KLRG1: variants seen among roughly 807,000 people sequenced by gnomAD.
KLRG1 encodes killer cell lectin-like receptor subfamily G member 1.
A neutral mutation model predicts 21.8 loss-of-function variants in KLRG1; 16 were observed. The ratio of observed to expected loss-of-function variants is 0.73; its 90% CI spans 0.50 to 1.11. The LOEUF (loss-of-function observed/expected upper bound fraction) is 1.11. Among genes scored for constraint, KLRG1 ranks in the 50% most tolerant of loss-of-function variants. The probability of loss-of-function intolerance (pLI) is 0.00; values close to 1 mark genes in which losing one functional copy is unlikely to be tolerated. For synonymous variants in KLRG1, 69 were observed against 75.9 expected (o/e 0.91, Z 0.47); for missense variants, 173 against 218.3 (o/e 0.79, Z 1.31).
chr12:9,090,103 A>G, the KLRG1 span: 19 of 1,540,436 alleles, frequency 1.2e-5, no homozygotes, highest in Admixed American at 3.2e-4. Context: ...GAAATGTTCA[A>G]TGCTCTGTAA....
chr12:9,058,502 C>T, the KLRG1 span: 1 of 151,974 alleles, frequency 6.6e-6, no homozygotes, highest in East Asian at 1.9e-4. Context: ...TTCATATGCT[C>T]ATTGTAATAT....
the KLRG1 span, among the ~76,000 whole-genome samples, chr12:9,100,951 T>C: frequency 1.3e-5 from 2 of 152,172 alleles, no homozygotes; most frequent in Non-Finnish European, 2.9e-5. Context: ...GGGTACAATG[T>C]ATACTGCTCG....
chr12:8,973,486 G>T (rs767609748), intron 1 of KLRG1, among the ~76,000 whole-genome samples: 21 of 152,170 alleles, frequency 1.4e-4, no homozygotes, highest in Non-Finnish European at 2.6e-4. Context: ...CATTCGCTCT[G>T]GTGGGCATAG....
chr12:9,027,917 A>G, the KLRG1 span: 2 of 878,568 alleles, frequency 2.3e-6, no homozygotes, highest in East Asian at 2.4e-5. Flanking sequence ...CTCTTTGGCT[A>G]GATGAAGCGC....
At chr12:9,189,803 C>A in the KLRG1 span, among the ~76,000 whole-genome samples, 2 of 152,084 alleles carry the variant, frequency 1.3e-5, no homozygotes, top group African/African-American at 4.8e-5. Flanking sequence ...AAGGAAAAAA[C>A]AAACCACCAC....
At chr12:9,092,605 C>T in the KLRG1 span, among the ~76,000 whole-genome samples, 96 of 152,126 alleles carry the variant, frequency 6.3e-4, no homozygotes, top group East Asian at 0.018. Context: ...GCTTGTTTCA[C>T]GGATAAAACT....
chr12:9,122,158 A>G, the KLRG1 span, among the ~76,000 whole-genome samples: 1 of 152,110 alleles, frequency 6.6e-6, no homozygotes, highest in Non-Finnish European at 1.5e-5. Flanking sequence ...ATTTTTTCCT[A>G]CATTAAGTAT....
chr12:9,018,679 T>TAAAAAAAA, the KLRG1 span, among the ~76,000 whole-genome samples: 1 of 123,362 alleles, frequency 8.1e-6, no homozygotes. Flanking sequence ...CATCTCTATT[T>TAAAAAAAA]AAAAAAAAAA....
chr12:9,091,396 G>T, the KLRG1 span: 1 of 1,614,042 alleles, frequency 6.2e-7, no homozygotes, highest in Non-Finnish European at 8.5e-7. Context: ...TGGTGTCAGG[G>T]ACTGTTACTC....
the KLRG1 span, chr12:9,076,837 C>A: frequency 6.2e-7 from 1 of 1,614,024 alleles, no homozygotes; most frequent in Admixed American, 1.7e-5. Flanking sequence ...AAAGCATAGG[C>A]CAGCAGTGCT....
chr12:9,203,685 A>G, the KLRG1 span: 35 of 1,496,248 alleles, frequency 2.3e-5, no homozygotes, highest in African/African-American at 2.8e-5. Flanking sequence ...TTGGGATCGC[A>G]CACCAGAGCT....
the KLRG1 span, among the ~76,000 whole-genome samples, chr12:9,044,196 C>T: frequency 6.6e-6 from 1 of 151,834 alleles, no homozygotes; most frequent in African/African-American, 2.4e-5. Flanking sequence ...AAAATGTAAA[C>T]AAAGTACAAC....
At chr12:9,113,442 G>A in the KLRG1 span, 2 of 1,613,880 alleles carry the variant, frequency 1.2e-6, no homozygotes, top group Non-Finnish European at 1.7e-6. Context: ...AGACTCCAAG[G>A]AAGCACTTAC....
rs114310608 is a variant in KLRG1 at position 9,004,655 on chromosome 12, A to C, written c.358-4320A>C. Reference sequence around the variant, plus strand: ...CCATGCCTGGTTGGCTACATTTTTTACTTTTCGTAAAGATAGAGTGTTACT... The same window carrying C: ...CCATGCCTGGTTGGCTACATTTTTTCCTTTTCGTAAAGATAGAGTGTTACT... On this transcript the variant is annotated intron_variant, in intron 3 of 4. Transcript: ENST00000356986. 2.4e-3 allele frequency among the ~76,000 whole-genome samples: 366 copies of C among 152,048 alleles called. 2 individuals are homozygous for C. Among genetic ancestry groups the C allele is most frequent in the African/African-American group, 8.5e-3 (353 of 41,476 alleles).
chr12:9,071,291 A>C, the KLRG1 span, among the ~76,000 whole-genome samples: 2 of 152,216 alleles, frequency 1.3e-5, no homozygotes, highest in Non-Finnish European at 2.9e-5. Context: ...AACAACAATA[A>C]TTTATAATGT....
At chr12:9,181,015 T>G in the KLRG1 span, 1 of 1,613,970 alleles carries the variant, frequency 6.2e-7, no homozygotes, top group Non-Finnish European at 8.5e-7. Context: ...TCAGGCTTCA[T>G]GAGCAGCACA....
intron 3 of KLRG1, among the ~76,000 whole-genome samples, chr12:9,005,210 G>A (rs1947435013): frequency 6.6e-6 from 1 of 152,124 alleles, no homozygotes; most frequent in East Asian, 1.9e-4. Flanking sequence ...TCGGGGGGTG[G>A]GGGGCAAGGG....
At chr12:9,068,356 A>G in the KLRG1 span, 1 of 892,686 alleles carries the variant, frequency 1.1e-6, no homozygotes, top group Non-Finnish European at 1.7e-6. Flanking sequence ...AAACATAAGC[A>G]TCATTCATCT....
At chr12:9,183,096 T>C in the KLRG1 span, among the ~76,000 whole-genome samples, 1 of 152,238 alleles carries the variant, frequency 6.6e-6, no homozygotes, top group Non-Finnish European at 1.5e-5. Context: ...AGAAGAACTA[T>C]AATTGATTTT....
Sources: allele counts gnomAD v4.1 joint callset (sites outside exome capture counted in the v4.1 genomes callset), GRCh38; gene constraint gnomAD v4.1.1; transcripts MANE v1.5; gene names NCBI Gene and HGNC (gene_info 2026-07-23, HGNC 2026-07-21).